The following SLC22A31 variants were observed in gnomAD, a reference collection of about 807,000 sequenced individuals.
The protein encoded by SLC22A31 is solute carrier family 22 member 31, also known as putative solute carrier family 22 member 31.
SLC22A31 carries 42 observed loss-of-function variants against 27.4 expected under a neutral mutation model. The ratio of observed to expected loss-of-function variants is 1.53; its 90% CI spans 1.20 to 1.98. The LOEUF is 1.98. Among genes scored for constraint, SLC22A31 ranks in the 30% most tolerant of loss-of-function variants. SLC22A31 has a pLI of 0.00. For missense variants in SLC22A31, 593 were observed against 479.9 expected (o/e 1.24, Z -2.20); for synonymous variants, 290 against 230.8 (o/e 1.26, Z -2.33).
intron 4 of SLC22A31, 106 bp downstream of exon 4, chr16:89,198,917 G>T: frequency 6.7e-7 from 1 of 1,488,590 alleles, no homozygotes; most frequent in South Asian, 1.3e-5. Context: ...AGTTCTCTGT[G>T]ACCCTGTAAC....
At chr16:89,197,978 C>G in intron 7 of SLC22A31, 144 bp downstream of exon 7, 1 of 905,484 alleles carries the variant, frequency 1.1e-6, no homozygotes, top group African/African-American at 1.7e-5. Context: ...GGGCCTTCCA[C>G]AAGGATCAGA....
intron 4 of SLC22A31, 112 bp downstream of exon 4, chr16:89,198,911 C>T: frequency 6.7e-7 from 1 of 1,486,368 alleles, no homozygotes; most frequent in Non-Finnish European, 9.0e-7. Context: ...CACTGTAGTT[C>T]TCTGTGACCC....
At chr16:89,196,810 G>T (rs1915973759) in intron 8 of SLC22A31, among the ~76,000 whole-genome samples, 1 of 152,010 alleles carries the variant, frequency 6.6e-6, no homozygotes, top group Non-Finnish European at 1.5e-5. Context: ...GTTGTGCGTG[G>T]TGGTGGGTGC....
Position 89,197,816 on chromosome 16 carries a change from A to G in SLC22A31, c.922+306T>C, listed in dbSNP as rs371483108. On this transcript the variant is annotated intron_variant, in intron 7 of 8. Coordinates refer to ENST00000682282, the MANE Select transcript of SLC22A31 (RefSeq NM_001384763.1). ...TATATGGGCCCTCCCACACCAGTCCATGGCCGGCCTCGGCCACCTGGAACT... is the reference window on the plus strand; with the variant it reads ...TATATGGGCCCTCCCACACCAGTCCGTGGCCGGCCTCGGCCACCTGGAACT... Among the ~76,000 whole-genome samples the G allele has an allele frequency of 4.1e-4, 63 of 152,282 alleles. No individual in the cohort carries two copies. The East Asian group carries it at 0.011, about 26-fold the overall frequency.
upstream of SLC22A31, chr16:89,201,326 G>A (rs1230109222): frequency 2.9e-6 from 1 of 340,718 alleles, no homozygotes; most frequent in African/African-American, 2.2e-5. Context: ...GCGTGTGCAG[G>A]GCCGGGTGCC....
chr16:89,195,859 T>G lies in SLC22A31; in HGVS notation c.*140A>C. On this transcript the variant is annotated 3_prime_UTR_variant, in exon 9 of 9. Transcript: ENST00000682282. ...GGCCTGGCTGGAGACACCTTCACGC[T>G]GTCCCCACGGCTCCACCTGCACTGA... 9.8e-7 allele frequency: 1 copy of G among 1,018,064 alleles called. No individual in the cohort carries two copies. The highest frequency in any genetic ancestry group is 1.4e-6 in the Non-Finnish European group (1 of 734,666). The allele number at this position is 1,018,064 out of a possible 1,614,324, so 63.1% of individuals were successfully genotyped here. A position where few individuals can be genotyped will look rare whatever the true frequency, so the allele number is the denominator to read the frequency against.
intron 8 of SLC22A31, 127 bp downstream of exon 8, chr16:89,197,171 C>T (rs1013827708): frequency 1.5e-6 from 1 of 681,520 alleles, no homozygotes; most frequent in Non-Finnish European, 2.5e-6. Context: ...CGAGTCCTTA[C>T]TGGATGGAGG....
intron 7 of SLC22A31, among the ~76,000 whole-genome samples, chr16:89,197,653 G>A (rs555624982): frequency 3.3e-5 from 5 of 152,282 alleles, no homozygotes; most frequent in East Asian, 1.9e-4. Context: ...ACCTCCACTC[G>A]GGCCCACGCT....
intron 1 of SLC22A31, chr16:89,200,047 TAAGTTTTCTGCTTGTCCCTA>T (rs1281125491): frequency 1.3e-5 from 5 of 384,022 alleles, no homozygotes; most frequent in Non-Finnish European, 2.3e-5. Context: ...CTGCCCACCC[TAAGTTTTCTGCTTGTCCCTA>T]GATAGGGCCT....
chr16:89,198,315 T>TCTGATGCCTCCACCAACCAGC lies in SLC22A31; in HGVS notation c.708_728dup (p.Leu237_Arg243dup). 3.9e-6 allele frequency: 6 copies of TCTGATGCCTCCACCAACCAGC among 1,535,742 alleles called. No individual in the cohort carries two copies. In the African/African-American group the frequency reaches 8.2e-5, roughly 21 times the overall value. Reference sequence around the variant, plus strand: ...GTGCCAGGCTGCGGCGGAAGCTAGCTCTGATGCCTCCACCAACCAGCCTGG... The same window carrying TCTGATGCCTCCACCAACCAGC: ...GTGCCAGGCTGCGGCGGAAGCTAGCTCTGATGCCTCCACCAACCAGCCTGATGCCTCCACCAACCAGCCTGG... On this transcript the variant is annotated inframe_insertion, in exon 7 of 9. Coordinates refer to ENST00000682282, the MANE Select transcript of SLC22A31 (RefSeq NM_001384763.1).
chr16:89,196,515 G>T, intron 8 of SLC22A31: 1 of 857,174 alleles, frequency 1.2e-6, no homozygotes. Flanking sequence ...AACAGATTGG[G>T]GGACACACAT....
At chr16:89,199,662 G>A (rs903850327) in intron 2 of SLC22A31, 51 bp downstream of exon 2, 6 of 405,624 alleles carry the variant, frequency 1.5e-5, no homozygotes, top group Non-Finnish European at 2.6e-5. Context: ...AACCCTGAGA[G>A]TGGGCGGAGG....
In SLC22A31 at chr16:89,195,784, A is replaced by G. The variant is rs1915823573; in HGVS notation, c.*215T>C. The G allele has an allele frequency of 2.0e-6, 1 of 504,456 alleles. No individual in the cohort carries two copies. The highest frequency in any genetic ancestry group is 3.4e-6 in the Non-Finnish European group (1 of 293,344). The allele number at this position is 504,456 out of a possible 1,614,324, so 31.2% of individuals were successfully genotyped here. On this transcript the variant is annotated 3_prime_UTR_variant, in exon 9 of 9. Transcript: ENST00000682282. ...AGTTCCACAGAAGCCTTTATCCTCC[A>G]CACCTACTGGGTGTGGCTGGGGGGA...
Position 89,196,124 on chromosome 16 carries a change from ACTGGGGCAGCCCCCGGCTTCGGCT to A in SLC22A31, c.1192_1215del (p.Arg399_Ser406del). 6.5e-7 allele frequency: 1 copy of A among 1,534,636 alleles called. No homozygotes were observed. Among genetic ancestry groups the A allele is most frequent in the Non-Finnish European group, 8.7e-7 (1 of 1,146,484 alleles). On this transcript the variant is annotated inframe_deletion, in exon 9 of 9. Coordinates refer to ENST00000682282, the MANE Select transcript of SLC22A31 (RefSeq NM_001384763.1). The stretch of plus-strand genomic sequence containing the variant: ...CGCAGGCGGTCGGCGTCCTGCAGTG[ACTGGGGCAGCCCCCGGCTTCGGCT>A]CTCAGGCAGCAGCAGGACACACAGC...
chr16:89,197,553 G>T (rs985889653), intron 7 of SLC22A31, 144 bp from the exon 8 acceptor site: 8 of 614,272 alleles, frequency 1.3e-5, no homozygotes, highest in Non-Finnish European at 2.3e-5. Flanking sequence ...GAAACCTGGA[G>T]GGGGAACCTG....
rs775834789 is a variant in SLC22A31 at position 89,198,770 on chromosome 16, G to A, written c.480C>T (p.Pro160=). Residue 160 remains proline, a synonymous_variant, in exon 5 of 9, where the codon CCC becomes CCT. Transcript: ENST00000682282. ...WGFPALFPES[P]CWLLATGQVA... is the part of the protein sequence containing the mutation. ...CCTGACCTGTGGCCAGCAGCCAGCA[G>A]GGAGACTCGGGGAACAGGGCCGGGA... 7.8e-6 allele frequency: 12 copies of A among 1,533,882 alleles called. No homozygotes were observed. In the South Asian group the frequency reaches 1.2e-4, roughly 15 times the overall value.
chr16:89,201,523 G>C, upstream of SLC22A31: 1 of 397,792 alleles, frequency 2.5e-6, no homozygotes, highest in Non-Finnish European at 4.4e-6. Flanking sequence ...CGGCAGTGGG[G>C]CGCGGGCTGC....
intron 5 of SLC22A31, 46 bp from the exon 6 acceptor site, chr16:89,198,596 T>C: frequency 6.6e-7 from 1 of 1,521,510 alleles, no homozygotes; most frequent in Admixed American, 2.0e-5. Flanking sequence ...GAGCTGTGCC[T>C]CTCCGAAGCC....
chr16:89,200,159 C>T (rs553098503), intron 1 of SLC22A31: 5 of 200,562 alleles, frequency 2.5e-5, no homozygotes, highest in Non-Finnish European at 5.0e-5. Flanking sequence ...CGAGGGACCC[C>T]GGGGACACCC....
Sources: allele counts gnomAD v4.1 joint callset (sites outside exome capture counted in the v4.1 genomes callset), GRCh38; gene constraint gnomAD v4.1.1; transcripts MANE v1.5; gene names NCBI Gene and HGNC (gene_info 2026-07-23, HGNC 2026-07-21).